The following SFT2D2 variants were observed in gnomAD, a reference collection of about 807,000 sequenced individuals.
SFT2D2 encodes the protein SFT2 domain containing 2, also known as vesicle transport protein SFT2B.
A neutral mutation model predicts 27.4 loss-of-function variants in SFT2D2; 21 were observed. That is an observed-to-expected ratio of 0.77 (90% CI 0.54 to 1.10). The LOEUF is 1.10. SFT2D2 is among the 50% of genes least tolerant of loss of function. SFT2D2 has a pLI of 0.00. For synonymous variants in SFT2D2, 72 were observed against 71.7 expected (o/e 1.00, Z -0.02); for missense variants, 187 against 194.2 (o/e 0.96, Z 0.22).
intron 3 of SFT2D2, among the ~76,000 whole-genome samples, chr1:168,233,691 A>C (rs942725571): frequency 4.6e-5 from 7 of 152,190 alleles, no homozygotes; most frequent in Admixed American, 2.0e-4. Flanking sequence ...TATAGTCTAG[A>C]CTGAGCATAA....
Position 168,242,640 on chromosome 1 carries a change from C to T in SFT2D2, c.*100C>T, listed in dbSNP as rs1647679828. The T allele has an allele frequency of 2.9e-6, 4 of 1,392,792 alleles. No homozygotes were observed. The highest frequency in any genetic ancestry group is 4.1e-6 in the Non-Finnish European group (4 of 979,488). The allele number at this position is 1,392,792 out of a possible 1,614,324, so 86.3% of individuals were successfully genotyped here. Reference sequence around the variant, plus strand: ...AAACCTCTGTCTTACAGACATGTGCCTTTTATCTTGCAGCAATGTGTTGCT... The same window carrying T: ...AAACCTCTGTCTTACAGACATGTGCTTTTTATCTTGCAGCAATGTGTTGCT... On this transcript the variant is annotated 3_prime_UTR_variant, in exon 8 of 8. Coordinates refer to ENST00000271375, the MANE Select transcript of SFT2D2 (RefSeq NM_199344.3).
chr1:168,235,558 G>A (rs1051039863), intron 4 of SFT2D2, among the ~76,000 whole-genome samples: 1 of 152,208 alleles, frequency 6.6e-6, no homozygotes, highest in South Asian at 2.1e-4. Flanking sequence ...ATTCTCTAGG[G>A]TGGGTGTCCT....
chr1:168,231,535 A>C lies in SFT2D2; in HGVS notation c.85A>C (p.Ser29Arg), dbSNP rs1484730239. The change falls in exon 2 of 8, where the codon AGC becomes CGC. Residue 29 changes from serine (S) to arginine (R), a missense_variant. Transcript: ENST00000271375. The stretch of plus-strand genomic sequence containing the variant: ...TTAGGTTGTTGAGGCATCTTCATTA[A>C]GCTGGAGTACCAGGATAAAAGGCTT... Reference protein sequence around the residue: ...LSEVVEASSLSWSTRIKGFIA... With the variant: ...LSEVVEASSLRWSTRIKGFIA... 1.2e-6 allele frequency: 2 copies of C among 1,613,890 alleles called. No homozygotes were observed. Among genetic ancestry groups the C allele is most frequent in the Non-Finnish European group, 1.7e-6 (2 of 1,179,996 alleles).
chr1:168,247,432 C>T lies in SFT2D2; in HGVS notation c.*4892C>T, dbSNP rs1647851537. The T allele has an allele frequency of 6.2e-6, 1 of 160,850 alleles. No homozygotes were observed. The highest frequency in any genetic ancestry group is 1.7e-4 in the South Asian group (1 of 5,730). 10.0% of individuals were successfully genotyped at this position (160,850 alleles called of 1,614,324 possible). On this transcript the variant is annotated 3_prime_UTR_variant, in exon 8 of 8. Transcript: ENST00000271375. ...GTGAGAACATGTGGTGTTTGGTTTT[C>T]TGTTCTTGTGTTAGTTTGCTGAGAA...
intron 1 of SFT2D2, among the ~76,000 whole-genome samples, chr1:168,227,406 TTGC>T (rs1161278684): frequency 2.0e-5 from 3 of 152,184 alleles, no homozygotes; most frequent in Admixed American, 6.5e-5. Context: ...ACGTTTGTGG[TTGC>T]TGATTTTATT....
chr1:168,231,668 C>A, intron 2 of SFT2D2, 68 bp downstream of exon 2: 1 of 1,522,530 alleles, frequency 6.6e-7, no homozygotes, highest in Non-Finnish European at 9.1e-7. Context: ...CCCTTTTGTC[C>A]ACCTCCTTTC....
chr1:168,244,346 T>A lies in SFT2D2; in HGVS notation c.*1806T>A, dbSNP rs971053568. ...GTGCCCGCCACCACGCCCGTGCTAA[T>A]TTTTGTGTTTTTAGTGGAGACAGGG... On this transcript the variant is annotated 3_prime_UTR_variant, in exon 8 of 8. Coordinates refer to ENST00000271375, the MANE Select transcript of SFT2D2 (RefSeq NM_199344.3). The A allele has an allele frequency of 6.6e-6, 1 of 152,080 alleles. No homozygotes were observed. The highest frequency in any genetic ancestry group is 2.4e-5 in the African/African-American group (1 of 41,376). 9.4% of individuals were successfully genotyped at this position (152,080 alleles called of 1,614,324 possible). A position where few individuals can be genotyped will look rare whatever the true frequency, so the allele number is the denominator to read the frequency against.
chr1:168,251,643 A>C lies in SFT2D2; in HGVS notation c.*9103A>C, dbSNP rs1008732457. 1.2e-4 allele frequency: 18 copies of C among 152,022 alleles called. No homozygotes were observed. The highest frequency in any genetic ancestry group is 2.4e-4 in the Non-Finnish European group (16 of 68,004). 9.4% of individuals were successfully genotyped at this position (152,022 alleles called of 1,614,324 possible). A position where few individuals can be genotyped will look rare whatever the true frequency, so the allele number is the denominator to read the frequency against. ...CATTTTCAGCATATAAATTTTTAAG[A>C]ATCAGTGTTTAAAGGTACGTGAAAC... On this transcript the variant is annotated 3_prime_UTR_variant, in exon 8 of 8. Coordinates refer to ENST00000271375, the MANE Select transcript of SFT2D2 (RefSeq NM_199344.3).
chr1:168,236,532 GT>G lies in SFT2D2; in HGVS notation c.319-47del, dbSNP rs919851992. 1.6e-3 allele frequency: 2,148 copies of G among 1,368,060 alleles called. 8 individuals carry two copies. In the African/African-American group the frequency reaches 0.02, roughly 13 times the overall value. The allele number at this position is 1,368,060 out of a possible 1,614,324, so 84.7% of individuals were successfully genotyped here. A position where few individuals can be genotyped will look rare whatever the true frequency, so the allele number is the denominator to read the frequency against. On this transcript the variant is annotated intron_variant, in intron 4 of 7. Coordinates refer to ENST00000271375, the MANE Select transcript of SFT2D2 (RefSeq NM_199344.3). ...ATTTGTGAAGAATAACAAGTTTTGA[GT>G]TTTTTTTTTCCTGCCATGTTATTGT...
At chr1:168,231,956 T>G (rs1331241237) in intron 3 of SFT2D2, 37 bp downstream of exon 3, 53 of 1,572,056 alleles carry the variant, frequency 3.4e-5, no homozygotes, top group Non-Finnish European at 4.3e-5. Context: ...TAGCCAATCA[T>G]TAGATGGGAA....
In SFT2D2 at chr1:168,246,884, AAT is replaced by A. The variant is rs1412129045; in HGVS notation, c.*4345_*4346del. The stretch of plus-strand genomic sequence containing the variant: ...CTTCATGCTTTCTTTTTATAATTTC[AAT>A]GTCTTTTAAGTATTTCTTTTCCAGG... On this transcript the variant is annotated 3_prime_UTR_variant, in exon 8 of 8. Coordinates refer to ENST00000271375, the MANE Select transcript of SFT2D2 (RefSeq NM_199344.3). The A allele has an allele frequency of 1.7e-6, 1 of 582,000 alleles. No individual in the cohort carries two copies. The highest frequency in any genetic ancestry group is 1.9e-5 in the African/African-American group (1 of 53,130). 36.1% of individuals were successfully genotyped at this position (582,000 alleles called of 1,614,324 possible). A position where few individuals can be genotyped will look rare whatever the true frequency, so the allele number is the denominator to read the frequency against.
rs555384701 is a variant in SFT2D2 at position 168,246,911 on chromosome 1, G to C, written c.*4371G>C. 1 of 609,396 alleles carries C rather than the reference G, an allele frequency of 1.6e-6. No homozygotes were observed. The highest frequency in any genetic ancestry group is 3.0e-6 in the Non-Finnish European group (1 of 334,854). 37.7% of individuals were successfully genotyped at this position (609,396 alleles called of 1,614,324 possible). ...TGTCTTTTAAGTATTTCTTTTCCAG[G>C]ATTTGATTTTTTATTGTGTGTATTT... On this transcript the variant is annotated 3_prime_UTR_variant, in exon 8 of 8. Coordinates refer to ENST00000271375, the MANE Select transcript of SFT2D2 (RefSeq NM_199344.3).
At chr1:168,241,659 G>A (rs1409171333) in intron 7 of SFT2D2, among the ~76,000 whole-genome samples, 1 of 152,140 alleles carries the variant, frequency 6.6e-6, no homozygotes, top group Non-Finnish European at 1.5e-5. Flanking sequence ...CCTTCCATAT[G>A]CTATGTGTAT....
chr1:168,232,183 C>T (rs779882490), intron 3 of SFT2D2, among the ~76,000 whole-genome samples: 5 of 152,180 alleles, frequency 3.3e-5, no homozygotes, highest in Non-Finnish European at 7.3e-5. Context: ...AGTGATTTCT[C>T]CAGGGTTTAC....
chr1:168,237,220 A>C (rs1647527603), intron 6 of SFT2D2, among the ~76,000 whole-genome samples: 1 of 152,234 alleles, frequency 6.6e-6, no homozygotes, highest in Admixed American at 6.5e-5. Context: ...ACAGAAGGAC[A>C]AAGAGTGAAC....
rs1647736435 is a variant in SFT2D2 at position 168,244,225 on chromosome 1, T to A, written c.*1685T>A. 1 of 152,142 alleles carries A rather than the reference T, an allele frequency of 6.6e-6. No homozygotes were observed. Among genetic ancestry groups the A allele is most frequent in the Non-Finnish European group, 1.5e-5 (1 of 68,344 alleles). The allele number at this position is 152,142 out of a possible 1,614,324, so 9.4% of individuals were successfully genotyped here. A position where few individuals can be genotyped will look rare whatever the true frequency, so the allele number is the denominator to read the frequency against. ...TGGAGTCTCACTCCGTCGCCCAGGC[T>A]GGAGTGCAGTGGCGTGATCTCTGCT... On this transcript the variant is annotated 3_prime_UTR_variant, in exon 8 of 8. Transcript: ENST00000271375.
In SFT2D2 at chr1:168,246,638, G is replaced by T. The variant is rs1430801908; in HGVS notation, c.*4098G>T. 7.1e-7 allele frequency: 1 copy of T among 1,401,918 alleles called. No individual in the cohort carries two copies. Among genetic ancestry groups the T allele is most frequent in the Non-Finnish European group, 9.9e-7 (1 of 1,006,744 alleles). 86.8% of individuals were successfully genotyped at this position (1,401,918 alleles called of 1,614,324 possible). A position where few individuals can be genotyped will look rare whatever the true frequency, so the allele number is the denominator to read the frequency against. ...ACTGTGCCCTGGAAATCAAGCTCTTGGTCTCTTTCTGTTGAGTGACTTTGA... is the reference window on the plus strand; with the variant it reads ...ACTGTGCCCTGGAAATCAAGCTCTTTGTCTCTTTCTGTTGAGTGACTTTGA... On this transcript the variant is annotated 3_prime_UTR_variant, in exon 8 of 8. Transcript: ENST00000271375.
In SFT2D2 at chr1:168,252,136, A is replaced by G. The variant is rs960948308; in HGVS notation, c.*9596A>G. The stretch of plus-strand genomic sequence containing the variant: ...GAGCCTTTGTTAATGTAAATTGACA[A>G]AAAGTATGTCCTTTTCTAGCAGGAG... On this transcript the variant is annotated 3_prime_UTR_variant, in exon 8 of 8. Coordinates refer to ENST00000271375, the MANE Select transcript of SFT2D2 (RefSeq NM_199344.3). The G allele has an allele frequency of 2.0e-5, 3 of 152,208 alleles. No homozygotes were observed. The highest frequency in any genetic ancestry group is 2.0e-4 in the Admixed American group (3 of 15,284). 9.4% of individuals were successfully genotyped at this position (152,208 alleles called of 1,614,324 possible).
chr1:168,236,564 A>C, intron 4 of SFT2D2, 25 bp from the exon 5 acceptor site: 1 of 1,606,744 alleles, frequency 6.2e-7, no homozygotes, highest in Non-Finnish European at 8.5e-7. Context: ...ATTGTCATTA[A>C]TTAATGTTTC....
Sources: gnomAD v4.1 joint callset for allele counts (sites outside exome capture counted in the v4.1 genomes callset) on GRCh38, gnomAD v4.1.1 for gene constraint, MANE v1.5 for transcripts, NCBI Gene and HGNC (gene_info 2026-07-23, HGNC 2026-07-21) for gene names.